The following MCPH1 variants were observed in gnomAD, a reference collection of about 807,000 sequenced individuals.
The protein encoded by MCPH1 is microcephalin.
Under a neutral mutation model 84.5 loss-of-function variants are expected in MCPH1, and 104 were observed. The observed-to-expected ratio is 1.23, with a 90% CI of 1.05 to 1.45. The LOEUF (loss-of-function observed/expected upper bound fraction) is 1.45. MCPH1 is among the 40% of genes most tolerant of loss of function. The probability of loss-of-function intolerance (pLI) is 0.00; values close to 1 mark genes in which losing one functional copy is unlikely to be tolerated. For synonymous variants in MCPH1, 514 were observed against 366.8 expected, an observed-to-expected ratio of 1.40 and a Z score of -4.58; for missense variants, 1,498 against 1,005.7, an observed-to-expected ratio of 1.49 and a Z score of -6.62.
chr8:6,503,034 C>G (rs990878829), intron 12 of MCPH1: 3 of 1,587,224 alleles, frequency 1.9e-6, no homozygotes, highest in Non-Finnish European at 1.7e-6. Flanking sequence ...GCAGCCGTGA[C>G]TTTCAGTGCA....
intron 2 of MCPH1, among the ~76,000 whole-genome samples, chr8:6,412,165 G>A (rs1405904402): frequency 1.3e-5 from 2 of 152,158 alleles, no homozygotes; most frequent in East Asian, 1.9e-4. Context: ...AGAGGAATCC[G>A]AATATAGGAG....
At chr8:6,622,026 C>G (rs1831482459) in intron 13 of MCPH1, 1 of 401,776 alleles carries the variant, frequency 2.5e-6, no homozygotes, top group African/African-American at 2.1e-5. Context: ...TAGACCCTCC[C>G]TCCCCAGTGC....
At chr8:6,478,241 G>C (rs975310010) in intron 10 of MCPH1, among the ~76,000 whole-genome samples, 1 of 152,138 alleles carries the variant, frequency 6.6e-6, no homozygotes, top group African/African-American at 2.4e-5. Flanking sequence ...CTGCAGAGAG[G>C]GCACCTTTAG....
At chr8:6,446,502 A>T in intron 8 of MCPH1, 1 of 984,416 alleles carries the variant, frequency 1.0e-6, no homozygotes, top group Non-Finnish European at 1.2e-6. Flanking sequence ...AAATAATTTT[A>T]TGTTTTTGGC....
intron 12 of MCPH1, among the ~76,000 whole-genome samples, chr8:6,560,814 T>C (rs554074652): frequency 4.8e-4 from 73 of 152,356 alleles, no homozygotes; most frequent in Non-Finnish European, 7.5e-4. Context: ...AAGAAAGAAA[T>C]ATGAGCTTTG....
At chr8:6,579,282 C>T (rs566338299) in intron 12 of MCPH1, among the ~76,000 whole-genome samples, 110 of 152,288 alleles carry the variant, frequency 7.2e-4, no homozygotes, top group Non-Finnish European at 1.3e-3. Flanking sequence ...TGCGTGAGTT[C>T]GCCCCCTTTC....
chr8:6,493,006 G>C (rs181489168), intron 11 of MCPH1, among the ~76,000 whole-genome samples: 101 of 152,132 alleles, frequency 6.6e-4, no homozygotes, highest in Middle Eastern at 3.4e-3. Flanking sequence ...CATAATATTT[G>C]GTTTATTGTC....
At chr8:6,592,014 A>G (rs1828495075) in intron 12 of MCPH1, among the ~76,000 whole-genome samples, 1 of 152,190 alleles carries the variant, frequency 6.6e-6, no homozygotes, top group Non-Finnish European at 1.5e-5. Context: ...AACCATGTGA[A>G]GCTCTGTTAG....
intron 12 of MCPH1, among the ~76,000 whole-genome samples, chr8:6,512,105 C>G (rs768792154): frequency 6.6e-6 from 1 of 151,712 alleles, no homozygotes; most frequent in Non-Finnish European, 1.5e-5. Flanking sequence ...TCCAGGAGAG[C>G]CTGATCTTTC....
At position 6,477,343 on chromosome 8, in the gene MCPH1, G is replaced by A; in HGVS notation, c.1936-251G>A. 8.6e-6 allele frequency: 4 copies of A among 465,134 alleles called. 1 individual carries two copies. Among genetic ancestry groups the A allele is most frequent in the South Asian group, 5.8e-5 (2 of 34,758 alleles). 28.8% of individuals were successfully genotyped at this position (465,134 alleles called of 1,614,324 possible). Reference sequence around the variant, plus strand: ...TAACTGGTGGAACAGATTCCTGGGGGAAATTTTTTTGTTTTGCTCTTGTAC... The same window carrying A: ...TAACTGGTGGAACAGATTCCTGGGGAAAATTTTTTTGTTTTGCTCTTGTAC... On this transcript the variant is annotated intron_variant, in intron 9 of 13. Transcript: ENST00000344683.
rs567928358 is a variant in MCPH1 at position 6,513,006 on chromosome 8, C to A, written c.2214+13077C>A. Among the ~76,000 whole-genome samples, 7 of 152,332 alleles carry A rather than the reference C, an allele frequency of 4.6e-5. No individual in the cohort carries two copies. In the South Asian group the frequency reaches 1.5e-3, roughly 32 times the overall value. ...ACTTTTGAAACCTTTTGGAATAAAA[C>A]AGCACAGTCACAAGTATCCATCATT... On this transcript the variant is annotated intron_variant, in intron 12 of 13. Coordinates refer to ENST00000344683, the MANE Select transcript of MCPH1 (RefSeq NM_024596.5).
chr8:6,625,457 A>C, intron 13 of MCPH1: 1 of 985,440 alleles, frequency 1.0e-6, no homozygotes. Flanking sequence ...TTTCATTCTC[A>C]AAATATCGCA....
chr8:6,581,845 T>C (rs1332350656), intron 12 of MCPH1, among the ~76,000 whole-genome samples: 2 of 152,162 alleles, frequency 1.3e-5, no homozygotes, highest in Non-Finnish European at 2.9e-5. Context: ...TGAGGGCCTG[T>C]TTCCTGGTTC....
At chr8:6,563,595 G>C in intron 12 of MCPH1, among the ~76,000 whole-genome samples, 1 of 152,242 alleles carries the variant, frequency 6.6e-6, no homozygotes, top group East Asian at 1.9e-4. Context: ...GAAGTACAAT[G>C]AAAGTTCCTG....
At chr8:6,551,025 T>C (rs780285172) in intron 12 of MCPH1, among the ~76,000 whole-genome samples, 3 of 152,194 alleles carry the variant, frequency 2.0e-5, no homozygotes, top group Non-Finnish European at 4.4e-5. Context: ...AACCAACAAG[T>C]GAAGGCACTC....
chr8:6,580,104 G>A lies in MCPH1; in HGVS notation c.2215-41350G>A, dbSNP rs565542150. 2.0e-5 allele frequency among the ~76,000 whole-genome samples: 3 copies of A among 152,304 alleles called. No homozygotes were observed. In the South Asian group the frequency reaches 6.2e-4, roughly 32 times the overall value. On this transcript the variant is annotated intron_variant, in intron 12 of 13. Transcript: ENST00000344683. ...GTTCCCTAGAATCCACATGCGCTGGGACAATGGGAAGTATCGGTAGACGCT... is the reference window on the plus strand; with the variant it reads ...GTTCCCTAGAATCCACATGCGCTGGAACAATGGGAAGTATCGGTAGACGCT...
intron 12 of MCPH1, among the ~76,000 whole-genome samples, chr8:6,523,741 C>A (rs1234790541): frequency 1.3e-5 from 2 of 152,144 alleles, no homozygotes; most frequent in Non-Finnish European, 2.9e-5. Flanking sequence ...AGGTGTGCCA[C>A]CACGCCCAGC....
At chr8:6,482,004 C>G (rs1178771746) in intron 11 of MCPH1, among the ~76,000 whole-genome samples, 3 of 152,194 alleles carry the variant, frequency 2.0e-5, no homozygotes, top group Non-Finnish European at 2.9e-5. Context: ...TCCATTCTCC[C>G]TGGGATGTGA....
chr8:6,610,527 G>T (rs529257783), intron 12 of MCPH1, among the ~76,000 whole-genome samples: 29 of 152,238 alleles, frequency 1.9e-4, no homozygotes, highest in African/African-American at 7.0e-4. Context: ...CCTCCAGTCT[G>T]TTTCCTTTCT....
Sources: allele counts gnomAD v4.1 joint callset (sites outside exome capture counted in the v4.1 genomes callset), GRCh38; gene constraint gnomAD v4.1.1; transcripts MANE v1.5; gene names NCBI Gene and HGNC (gene_info 2026-07-23, HGNC 2026-07-21).